Variants in DLC1 observed in about 807,000 individuals in gnomAD.
DLC1 encodes DLC1 Rho GTPase activating protein.
DLC1 carries 54 observed loss-of-function variants against 140.3 expected under a neutral mutation model. The ratio of observed to expected loss-of-function variants is 0.38; its 90% CI spans 0.31 to 0.48. DLC1 has a LOEUF of 0.48. DLC1 is among the 20% of genes least tolerant of loss of function. The probability of loss-of-function intolerance (pLI) is 0.96; values close to 1 mark genes in which losing one functional copy is unlikely to be tolerated. For missense variants in DLC1, 2,536 were observed against 1,907.0 expected (o/e 1.33, Z -6.14); for synonymous variants, 986 against 728.1 (o/e 1.35, Z -5.70).
chr8:13,543,777 TG>T (rs1289779715), intron 1 of DLC1, among the ~76,000 whole-genome samples: 1 of 152,144 alleles, frequency 6.6e-6, no homozygotes, highest in African/African-American at 2.4e-5. Flanking sequence ...CATCTGTAAT[TG>T]GGAGCTAAGC....
chr8:13,504,961 G>A (rs1801989149), intron 1 of DLC1, among the ~76,000 whole-genome samples: 1 of 151,968 alleles, frequency 6.6e-6, no homozygotes, highest in South Asian at 2.1e-4. Flanking sequence ...AACTCCTAAA[G>A]TTGTCTCTGG....
At chr8:13,570,763 G>A (rs566470387) in intron 1 of DLC1, among the ~76,000 whole-genome samples, 7 of 151,920 alleles carry the variant, frequency 4.6e-5, no homozygotes, top group South Asian at 4.2e-4. Context: ...CTTCTTCGTC[G>A]TCTTCATTCA....
intron 1 of DLC1, chr8:13,559,129 G>A (rs543414907): frequency 6.6e-6 from 1 of 152,188 alleles, no homozygotes; most frequent in Non-Finnish European, 1.5e-5. Context: ...CATAATATAC[G>A]GGCTTCAAGT....
intron 4 of DLC1, chr8:13,341,922 A>G (rs1186204707): frequency 2.6e-5 from 4 of 152,200 alleles, no homozygotes; most frequent in Non-Finnish European, 5.9e-5. Flanking sequence ...GTCTTTCAGT[A>G]AGTAAAAATA....
At chr8:13,400,606 A>T (rs1243624795) in intron 3 of DLC1, among the ~76,000 whole-genome samples, 1 of 152,228 alleles carries the variant, frequency 6.6e-6, no homozygotes. Flanking sequence ...GTATCAAATA[A>T]TTTGATATGC....
intron 1 of DLC1, among the ~76,000 whole-genome samples, chr8:13,575,147 G>T (rs1161469352): frequency 6.6e-6 from 1 of 152,130 alleles, no homozygotes; most frequent in Non-Finnish European, 1.5e-5. Context: ...AGCGAAAATT[G>T]CAAACTTACA....
intron 1 of DLC1, among the ~76,000 whole-genome samples, chr8:13,582,876 GTCTATATATATATATA>G (rs1805159211): frequency 2.4e-5 from 1 of 41,988 alleles, no homozygotes; most frequent in African/African-American, 8.3e-5. Flanking sequence ...ATATACTGTG[GTCTATATATATATATA>G]TATATATATA....
intron 2 of DLC1, among the ~76,000 whole-genome samples, chr8:13,417,452 A>T (rs1838121070): frequency 6.6e-6 from 1 of 150,480 alleles, no homozygotes; most frequent in African/African-American, 2.5e-5. Context: ...GAGTGAGAAT[A>T]TGTGGTGTTT....
In DLC1 at chr8:13,351,445, C is replaced by T. The variant is rs532578219; in HGVS notation, c.1314+42108G>A. Among the ~76,000 whole-genome samples, 9 of 152,274 alleles carry T rather than the reference C, an allele frequency of 5.9e-5. No homozygotes were observed. In the South Asian group the frequency reaches 1.9e-3, roughly 32 times the overall value. On this transcript the variant is annotated intron_variant, in intron 4 of 17. Transcript: ENST00000276297. ...ACTTAGAAAAGGATTGCAAATATGC[C>T]TTCAGCCAAATCTGCCATTTCCCCA...
intron 5 of DLC1, among the ~76,000 whole-genome samples, chr8:13,170,506 G>A (rs1166856100): frequency 1.3e-5 from 2 of 152,166 alleles, no homozygotes; most frequent in Non-Finnish European, 2.9e-5. Context: ...CAAGGTGGGC[G>A]GATCATGAGG....
At chr8:13,128,500 A>C (rs181941729) in intron 5 of DLC1, among the ~76,000 whole-genome samples, 1 of 152,336 alleles carries the variant, frequency 6.6e-6, no homozygotes, top group African/African-American at 2.4e-5. Flanking sequence ...TAAGGGCCAC[A>C]ATAGAGAAGT....
At chr8:13,408,551 G>T (rs1168860559) in intron 2 of DLC1, among the ~76,000 whole-genome samples, 1 of 152,194 alleles carries the variant, frequency 6.6e-6, no homozygotes, top group East Asian at 1.9e-4. Flanking sequence ...CCTGAGAAGT[G>T]TTCAGAAGTG....
In DLC1 at chr8:13,453,574, T is replaced by C. The variant is rs868055141; in HGVS notation, c.1023+45475A>G. ...TATATATATTTTTTTTTTTTTTTTT[T>C]CAGATAGAAATGTTTACTGAGACTA... On this transcript the variant is annotated intron_variant, in intron 2 of 17. Transcript: ENST00000276297. Among the ~76,000 whole-genome samples, 18 of 112,542 alleles carry C rather than the reference T, an allele frequency of 1.6e-4. 1 individual carries two copies. Among genetic ancestry groups the C allele is most frequent in the Admixed American group, 4.0e-4 (4 of 9,956 alleles). 73.8% of individuals were successfully genotyped at this position (112,542 alleles called of 152,430 possible).
At chr8:13,140,587 T>C (rs889777581) in intron 5 of DLC1, among the ~76,000 whole-genome samples, 3 of 152,060 alleles carry the variant, frequency 2.0e-5, no homozygotes, top group Non-Finnish European at 4.4e-5. Flanking sequence ...TCTGTAAGTA[T>C]TATGTATATT....
chr8:13,220,971 C>A (rs907178798), intron 5 of DLC1, among the ~76,000 whole-genome samples: 1 of 152,116 alleles, frequency 6.6e-6, no homozygotes, highest in African/African-American at 2.4e-5. Flanking sequence ...TGCAGCCCCA[C>A]GTATGAGGGT....
chr8:13,397,223 G>C (rs747796768), intron 3 of DLC1, among the ~76,000 whole-genome samples: 1 of 152,106 alleles, frequency 6.6e-6, no homozygotes, highest in Non-Finnish European at 1.5e-5. Context: ...ATATAGAGAA[G>C]GGAATGGAAG....
chr8:13,541,924 T>C (rs1397640980), intron 1 of DLC1, among the ~76,000 whole-genome samples: 1 of 152,216 alleles, frequency 6.6e-6, no homozygotes, highest in Admixed American at 6.5e-5. Flanking sequence ...ACTTGGGTTT[T>C]GTGTTTTCCC....
intron 5 of DLC1, among the ~76,000 whole-genome samples, chr8:13,194,962 A>T (rs576271106): frequency 6.6e-6 from 1 of 152,180 alleles, no homozygotes; most frequent in Non-Finnish European, 1.5e-5. Context: ...GTGAGCTATG[A>T]TTGTGCCACT....
chr8:13,272,068 A>C (rs7001268), intron 5 of DLC1, among the ~76,000 whole-genome samples: 2,770 of 152,336 alleles, frequency 0.018, 75 homozygotes, highest in African/African-American at 0.063. Flanking sequence ...ATGTTCTCCA[A>C]ATTGAGAGAA....
Sources: allele counts gnomAD v4.1 joint callset (sites outside exome capture counted in the v4.1 genomes callset), GRCh38; gene constraint gnomAD v4.1.1; transcripts MANE v1.5; gene names NCBI Gene and HGNC (gene_info 2026-07-23, HGNC 2026-07-21).